CATSPERE: variants seen among roughly 807,000 people sequenced by gnomAD.
The protein encoded by CATSPERE is catsper channel auxiliary subunit epsilon, also known as cation channel sperm-associated auxiliary subunit epsilon.
In CATSPERE, 93 loss-of-function variants were observed where a neutral mutation model predicts 114.1. That is an observed-to-expected ratio of 0.81 (90% CI 0.69 to 0.97). The LOEUF (loss-of-function observed/expected upper bound fraction) is 0.97, where lower values mean the gene tolerates loss of function less well. CATSPERE is among the 50% of genes least tolerant of loss of function. The pLI is 0.00. For missense variants in CATSPERE, 1,058 were observed against 1,131.6 expected (o/e 0.93, Z 0.93); for synonymous variants, 341 against 384.1 (o/e 0.89, Z 1.31).
intron 8 of CATSPERE, among the ~76,000 whole-genome samples, chr1:244,540,675 CA>C (rs1344633950): frequency 6.8e-6 from 1 of 146,704 alleles, no homozygotes; most frequent in East Asian, 2.1e-4. Flanking sequence ...CATATGGAAC[CA>C]AAAAAGAGCC....
intron 6 of CATSPERE, among the ~76,000 whole-genome samples, chr1:244,494,634 T>C (rs1270662992): frequency 6.6e-6 from 1 of 151,332 alleles, no homozygotes; most frequent in East Asian, 1.9e-4. Flanking sequence ...GGTCCTAAGA[T>C]CAAAAAGTTT....
chr1:244,600,830 G>C (rs1201185371), intron 17 of CATSPERE, among the ~76,000 whole-genome samples: 2 of 150,584 alleles, frequency 1.3e-5, no homozygotes, highest in Non-Finnish European at 2.9e-5. Flanking sequence ...CAAATCCAGA[G>C]ATATAGGATC....
chr1:244,554,034 T>A (rs1337349198), intron 9 of CATSPERE, among the ~76,000 whole-genome samples: 1 of 152,214 alleles, frequency 6.6e-6, no homozygotes, highest in Non-Finnish European at 1.5e-5. Context: ...GGTATTCCAT[T>A]GGGTATATAT....
chr1:244,526,785 T>C (rs1297175398), intron 8 of CATSPERE, among the ~76,000 whole-genome samples: 1 of 152,052 alleles, frequency 6.6e-6, no homozygotes, highest in East Asian at 1.9e-4. Flanking sequence ...TAGGTTCTTT[T>C]CTATTTTCCC....
rs774134002 is a variant in CATSPERE, at chr1:244,490,522, GT to G, written c.351+54del. 2.8e-6 allele frequency: 3 copies of G among 1,074,278 alleles called. No homozygotes were observed. The Admixed American group carries it at 6.4e-5, about 23-fold the overall frequency. The allele number at this position is 1,074,278 out of a possible 1,614,324, so 66.5% of individuals were successfully genotyped here. ...AGCCTTCATATATCACTAGTATATT[GT>G]TTCTCTCTTATCTTCCATATTTACC... On this transcript the variant is annotated intron_variant, in intron 6 of 21. Transcript: ENST00000366534.
chr1:244,508,208 AT>A (rs905790427), intron 7 of CATSPERE, among the ~76,000 whole-genome samples: 3 of 149,466 alleles, frequency 2.0e-5, no homozygotes, highest in East Asian at 2.0e-4. Context: ...TTCCTAGGTA[AT>A]TTTTTTTGTA....
intron 20 of CATSPERE, among the ~76,000 whole-genome samples, chr1:244,631,391 A>G (rs902672067): frequency 2.6e-5 from 4 of 152,090 alleles, no homozygotes; most frequent in Non-Finnish European, 4.4e-5. Flanking sequence ...TTAACCTCGC[A>G]TATGGCTATG....
chr1:244,490,128 A>C (rs527964381), intron 5 of CATSPERE, among the ~76,000 whole-genome samples: 1 of 152,218 alleles, frequency 6.6e-6, no homozygotes. Context: ...TCATATGAGG[A>C]CTTTGAAATA....
intron 7 of CATSPERE, among the ~76,000 whole-genome samples, chr1:244,517,682 A>G (rs750002361): frequency 1.3e-5 from 2 of 151,718 alleles, no homozygotes; most frequent in African/African-American, 2.4e-5. Flanking sequence ...CTGAAGTAGG[A>G]GAATCGCTTG....
chr1:244,565,814 G>T (rs143388774), intron 10 of CATSPERE, among the ~76,000 whole-genome samples: 2 of 151,984 alleles, frequency 1.3e-5, no homozygotes, highest in Admixed American at 6.6e-5. Flanking sequence ...TTTTTGAAGG[G>T]TTTTTCGTGT....
intron 9 of CATSPERE, among the ~76,000 whole-genome samples, chr1:244,554,884 C>CA (rs570163853): frequency 3.3e-5 from 5 of 151,940 alleles, no homozygotes; most frequent in Non-Finnish European, 7.4e-5. Flanking sequence ...CAAAAACCCT[C>CA]AAAAAAAATT....
intron 8 of CATSPERE, among the ~76,000 whole-genome samples, chr1:244,549,561 AC>A (rs1660283338): frequency 6.6e-6 from 1 of 152,214 alleles, no homozygotes; most frequent in East Asian, 1.9e-4. Context: ...AATTTAAGTT[AC>A]AGAATATTGG....
chr1:244,626,485 C>CAAAA (rs35687880), intron 20 of CATSPERE, among the ~76,000 whole-genome samples: 17 of 66,836 alleles, frequency 2.5e-4, no homozygotes, highest in East Asian at 4.7e-4. Flanking sequence ...AATTCCATCT[C>CAAAA]AAAAAAAAAA....
chr1:244,612,752 C>G (rs1242976528), intron 19 of CATSPERE, among the ~76,000 whole-genome samples: 1 of 152,130 alleles, frequency 6.6e-6, no homozygotes, highest in Non-Finnish European at 1.5e-5. Flanking sequence ...ACCTCTGCCT[C>G]CCGAGTTCAA....
At chr1:244,564,167 GT>G (rs1663040079) in intron 10 of CATSPERE, among the ~76,000 whole-genome samples, 2 of 152,166 alleles carry the variant, frequency 1.3e-5, no homozygotes, top group Non-Finnish European at 2.9e-5. Flanking sequence ...TTGTAGTATA[GT>G]TTCAAGTCAG....
intron 6 of CATSPERE, among the ~76,000 whole-genome samples, chr1:244,495,389 G>C (rs1672924748): frequency 6.6e-6 from 1 of 152,118 alleles, no homozygotes; most frequent in African/African-American, 2.4e-5. Flanking sequence ...GGAGTAAAGG[G>C]AGCTGAAACT....
chr1:244,614,133 T>TA (rs1252026307), intron 19 of CATSPERE, among the ~76,000 whole-genome samples: 1 of 152,182 alleles, frequency 6.6e-6, no homozygotes, highest in Non-Finnish European at 1.5e-5. Context: ...TCCTTTTCCT[T>TA]ATAAATTACT....
chr1:244,548,986 GCT>G (rs1405455695), intron 8 of CATSPERE, among the ~76,000 whole-genome samples: 3 of 152,122 alleles, frequency 2.0e-5, no homozygotes, highest in Non-Finnish European at 4.4e-5. Flanking sequence ...GCTCCTCATG[GCT>G]CTGAGTCAAC....
At chr1:244,585,281 G>A (rs1666872832) in intron 13 of CATSPERE, among the ~76,000 whole-genome samples, 1 of 152,178 alleles carries the variant, frequency 6.6e-6, no homozygotes, top group Non-Finnish European at 1.5e-5. Context: ...TTCATGTAAA[G>A]TACCCAAAGC....
Sources: allele counts gnomAD v4.1 joint callset (sites outside exome capture counted in the v4.1 genomes callset), GRCh38; gene constraint gnomAD v4.1.1; transcripts MANE v1.5; gene names NCBI Gene and HGNC (gene_info 2026-07-23, HGNC 2026-07-21).